Variants in MSI2 observed in about 807,000 individuals in gnomAD.
MSI2 encodes the protein RNA-binding protein Musashi homolog 2.
MSI2 carries 17 observed loss-of-function variants against 45.6 expected under a neutral mutation model. That is an observed-to-expected ratio of 0.37 (90% CI 0.26 to 0.56). MSI2 has a LOEUF of 0.56. Among genes scored for constraint, MSI2 ranks in the 20% least tolerant of loss-of-function variants. The probability of loss-of-function intolerance (pLI) is 0.77; values close to 1 mark genes in which losing one functional copy is unlikely to be tolerated. For synonymous variants in MSI2, 156 were observed against 158.2 expected (o/e 0.99, Z 0.11); for missense variants, 293 against 444.2 (o/e 0.66, Z 3.06).
rs540375169 is a variant in MSI2, at chr17:57,616,261, G to A, written c.652+177G>A. 10 of 578,012 alleles carry A rather than the reference G, an allele frequency of 1.7e-5. No individual in the cohort carries two copies. The South Asian group carries it at 2.1e-4, about 12-fold the overall frequency. 35.8% of individuals were successfully genotyped at this position (578,012 alleles called of 1,614,324 possible). On this transcript the variant is annotated intron_variant, in intron 9 of 13. Transcript: ENST00000284073. ...CAAGACAGTTGTGATGATTAAGTGT[G>A]GGTGTGTGTGTGTGCATGCATGTGT... is the stretch of plus-strand genomic sequence containing the variant.
chr17:57,455,918 C>A (rs545885547), intron 6 of MSI2, among the ~76,000 whole-genome samples: 1 of 152,320 alleles, frequency 6.6e-6, no homozygotes, highest in South Asian at 2.1e-4. Context: ...GGCACAGACT[C>A]TTTGGACAAA....
At chr17:57,595,068 C>T (rs2144444510) in intron 7 of MSI2, among the ~76,000 whole-genome samples, 1 of 152,298 alleles carries the variant, frequency 6.6e-6, no homozygotes. Flanking sequence ...CTAGTCCCTG[C>T]AGGAGCTATG....
At chr17:57,699,323 G>A in the MSI2 span, among the ~76,000 whole-genome samples, 1 of 151,086 alleles carries the variant, frequency 6.6e-6, no homozygotes, top group Non-Finnish European at 1.5e-5. Context: ...CTGGGACCAT[G>A]AGGGACACTC....
intron 11 of MSI2, among the ~76,000 whole-genome samples, chr17:57,663,737 T>G (rs914975871): frequency 3.3e-5 from 5 of 152,152 alleles, no homozygotes; most frequent in Non-Finnish European, 5.9e-5. Flanking sequence ...ATTGATCAGC[T>G]CCAGGTGTGT....
intron 6 of MSI2, among the ~76,000 whole-genome samples, chr17:57,402,522 G>T (rs1187744417): frequency 1.3e-5 from 2 of 152,198 alleles, no homozygotes; most frequent in Non-Finnish European, 2.9e-5. Context: ...GCTTGCCATG[G>T]GTACAAAGGC....
chr17:57,662,266 A>G (rs1912043372), intron 11 of MSI2, among the ~76,000 whole-genome samples: 1 of 152,208 alleles, frequency 6.6e-6, no homozygotes, highest in African/African-American at 2.4e-5. Flanking sequence ...GAACACCACG[A>G]TGGCAGCCAC....
rs368292166 is a variant in MSI2 at position 57,424,975 on chromosome 17, G to A, written c.405+23504G>A. On this transcript the variant is annotated intron_variant, in intron 6 of 13. Coordinates refer to ENST00000284073, the MANE Select transcript of MSI2 (RefSeq NM_138962.4). ...AGGTCCAACTTCTGATCCTCAGCGAGGCCCCATTTCCTTCCTGGGGCAGGG... is the reference window on the plus strand; with the variant it reads ...AGGTCCAACTTCTGATCCTCAGCGAAGCCCCATTTCCTTCCTGGGGCAGGG... 7.0e-4 allele frequency among the ~76,000 whole-genome samples: 106 copies of A among 152,280 alleles called. 1 individual carries two copies. Among genetic ancestry groups the A allele is most frequent in the Middle Eastern group, 6.8e-3 (2 of 294 alleles).
intron 7 of MSI2, among the ~76,000 whole-genome samples, chr17:57,546,701 TCCCTTTGGGTTTCC>T (rs1190908815): frequency 1.3e-5 from 2 of 152,202 alleles, no homozygotes; most frequent in Non-Finnish European, 2.9e-5. Flanking sequence ...GTCCATGTGT[TCCCTTTGGGTTTCC>T]CCAGGATGGC....
chr17:57,346,273 A>C (rs1422585962), intron 5 of MSI2, among the ~76,000 whole-genome samples: 1 of 151,874 alleles, frequency 6.6e-6, no homozygotes, highest in Non-Finnish European at 1.5e-5. Context: ...TTTGAAGTTT[A>C]AAAAGTTTAA....
intron 8 of MSI2, among the ~76,000 whole-genome samples, chr17:57,604,318 G>T (rs1906280067): frequency 6.6e-6 from 1 of 152,226 alleles, no homozygotes; most frequent in African/African-American, 2.4e-5. Flanking sequence ...TGTCGTCATT[G>T]TCATCATTCT....
chr17:57,346,700 G>A (rs1300093884), intron 5 of MSI2, among the ~76,000 whole-genome samples: 1 of 151,874 alleles, frequency 6.6e-6, no homozygotes, highest in Non-Finnish European at 1.5e-5. Flanking sequence ...TCAACCTCCT[G>A]GGCTCTGGCG....
intron 6 of MSI2, among the ~76,000 whole-genome samples, chr17:57,477,148 G>A (rs775138127): frequency 1.0e-3 from 10 of 9,542 alleles, no homozygotes; most frequent in Non-Finnish European, 1.9e-3. Flanking sequence ...AAGGCCTGGT[G>A]TGTGTGTGTG....
At chr17:57,603,943 G>A (rs889365458) in intron 8 of MSI2, among the ~76,000 whole-genome samples, 1 of 152,256 alleles carries the variant, frequency 6.6e-6, no homozygotes, top group Admixed American at 6.5e-5. Context: ...AGAGTAGAAA[G>A]GGGGTGCCCC....
chr17:57,373,732 C>T (rs973722722), intron 5 of MSI2, among the ~76,000 whole-genome samples: 7 of 152,290 alleles, frequency 4.6e-5, no homozygotes, highest in South Asian at 2.1e-4. Context: ...TGTCCCCATC[C>T]GAAGGCCTCC....
At chr17:57,557,003 G>A (rs1353489932) in intron 7 of MSI2, among the ~76,000 whole-genome samples, 1 of 152,192 alleles carries the variant, frequency 6.6e-6, no homozygotes, top group Non-Finnish European at 1.5e-5. Flanking sequence ...GATTGGCTGA[G>A]GCCTGAAATG....
intron 5 of MSI2, among the ~76,000 whole-genome samples, chr17:57,354,609 C>T (rs1300086997): frequency 6.6e-6 from 1 of 152,004 alleles, no homozygotes; most frequent in African/African-American, 2.4e-5. Context: ...GAGGCAGCAG[C>T]AGAGGCAACA....
At chr17:57,419,174 A>G (rs7212361) in intron 6 of MSI2, among the ~76,000 whole-genome samples, 106,767 of 151,022 alleles carry the variant, frequency 0.71, 38,239 homozygotes, top group South Asian at 0.88. Context: ...ACTTTAAAGT[A>G]TGGAGGTTTT....
At chr17:57,599,622 T>C (rs887464327) in intron 8 of MSI2, among the ~76,000 whole-genome samples, 1 of 152,184 alleles carries the variant, frequency 6.6e-6, no homozygotes, top group Non-Finnish European at 1.5e-5. Context: ...TAGTACTTGT[T>C]CTTCAAGAGA....
At chr17:57,575,944 C>CA (rs34036311) in intron 7 of MSI2, among the ~76,000 whole-genome samples, 19,168 of 63,808 alleles carry the variant, frequency 0.3, 3,509 homozygotes, top group Non-Finnish European at 0.35. Context: ...GACTCCGTCT[C>CA]AAAAAAAAAA....
Sources: allele counts gnomAD v4.1 joint callset (sites outside exome capture counted in the v4.1 genomes callset), GRCh38; gene constraint gnomAD v4.1.1; transcripts MANE v1.5; gene names NCBI Gene and HGNC (gene_info 2026-07-23, HGNC 2026-07-21).